RBFOX1: variants seen among roughly 807,000 people sequenced by gnomAD.
RBFOX1 encodes RNA binding fox-1 homolog 1.
Under a neutral mutation model 57.7 loss-of-function variants are expected in RBFOX1, and 8 were observed. That is an observed-to-expected ratio of 0.14 (90% confidence interval 0.08 to 0.25). RBFOX1 has a LOEUF of 0.25. Ranked by LOEUF, RBFOX1 falls within the 10% of genes least tolerant of loss-of-function variation. The pLI, the probability that RBFOX1 is intolerant of heterozygous loss-of-function variation, is 1.00. For synonymous variants in RBFOX1, 326 were observed against 222.4 expected (o/e 1.47, Z -4.15); for missense variants, 611 against 548.5 (o/e 1.11, Z -1.14).
chr16:5,502,123 G>T (rs1255491526), intron 2 of RBFOX1, among the ~76,000 whole-genome samples: 1 of 152,110 alleles, frequency 6.6e-6, no homozygotes, highest in Non-Finnish European at 1.5e-5. Context: ...GCAGAAGGTG[G>T]TTGTAGGGTT....
intron 4 of RBFOX1, among the ~76,000 whole-genome samples, chr16:7,392,328 A>G (rs1215133023): frequency 6.6e-6 from 1 of 152,180 alleles, no homozygotes; most frequent in African/African-American, 2.4e-5. Context: ...CCAAAATTAT[A>G]ATGAATATAT....
At chr16:7,629,267 G>A (rs921523008) in intron 10 of RBFOX1, among the ~76,000 whole-genome samples, 9 of 152,270 alleles carry the variant, frequency 5.9e-5, no homozygotes, top group African/African-American at 1.7e-4. Context: ...TGACATCACC[G>A]TGCAGTCCCT....
At chr16:5,575,919 C>T (rs1056508435) in intron 2 of RBFOX1, among the ~76,000 whole-genome samples, 3 of 151,150 alleles carry the variant, frequency 2.0e-5, no homozygotes, top group African/African-American at 4.9e-5. Context: ...CATGTTTGCA[C>T]TTAGAAGTGA....
intron 4 of RBFOX1, among the ~76,000 whole-genome samples, chr16:7,063,813 A>C (rs2055221749): frequency 6.6e-6 from 1 of 152,234 alleles, no homozygotes. Flanking sequence ...TTCGCATTGC[A>C]TCAGGTATTC....
chr16:7,338,596 T>G (rs9923435), intron 4 of RBFOX1, among the ~76,000 whole-genome samples: 62,021 of 151,982 alleles, frequency 0.41, 15,575 homozygotes, highest in African/African-American at 0.72. Flanking sequence ...TCTCATTATG[T>G]TGGCCAGCCT....
intron 4 of RBFOX1, among the ~76,000 whole-genome samples, chr16:7,289,703 G>C (rs1201230148): frequency 6.6e-6 from 1 of 152,112 alleles, no homozygotes; most frequent in Non-Finnish European, 1.5e-5. Flanking sequence ...GCTGATATGT[G>C]TTGTGCACTT....
rs61448458 is a variant in RBFOX1, at chr16:7,486,117, CT to C, written c.28-32007del. ...TCTGTGGGTATTTGTGTGTTTGTGT[CT>C]TTTTTTTTTTTTTTTTTTTTTTGAG... On this transcript the variant is annotated intron_variant, in intron 4 of 15. Transcript: ENST00000550418. Among the ~76,000 whole-genome samples the C allele has an allele frequency of 2.6e-3, 199 of 77,322 alleles. 1 individual carries two copies. Among genetic ancestry groups the C allele is most frequent in the East Asian group, 0.025 (56 of 2,208 alleles). 50.7% of individuals were successfully genotyped at this position (77,322 alleles called of 152,430 possible).
chr16:6,949,026 C>G (rs575713062), intron 3 of RBFOX1, among the ~76,000 whole-genome samples: 35 of 152,160 alleles, frequency 2.3e-4, no homozygotes, highest in East Asian at 7.8e-4. Context: ...AAAAGAAATT[C>G]GACTCTATGG....
At chr16:7,341,015 GT>G (rs1341371893) in intron 4 of RBFOX1, among the ~76,000 whole-genome samples, 48 of 152,302 alleles carry the variant, frequency 3.2e-4, no homozygotes, top group Non-Finnish European at 1.5e-5. Flanking sequence ...GTTCGGCAAT[GT>G]GAGCTTTTGA....
intron 4 of RBFOX1, among the ~76,000 whole-genome samples, chr16:5,987,595 C>A (rs2060307733): frequency 6.6e-6 from 1 of 152,034 alleles, no homozygotes; most frequent in Admixed American, 6.6e-5. Flanking sequence ...TCTAGGTACT[C>A]GGGAGGCAGA....
At chr16:6,865,001 T>G (rs1264456818) in intron 3 of RBFOX1, among the ~76,000 whole-genome samples, 4 of 90,698 alleles carry the variant, frequency 4.4e-5, no homozygotes, top group Admixed American at 1.1e-4. Context: ...TTTTCTTTTT[T>G]TTTTTTTTTT....
intron 3 of RBFOX1, among the ~76,000 whole-genome samples, chr16:5,866,811 C>A (rs1429464143): frequency 6.6e-6 from 1 of 152,152 alleles, no homozygotes; most frequent in African/African-American, 2.4e-5. Context: ...TGGCACCATT[C>A]CTGGCACAAC....
chr16:7,547,109 A>G (rs2084776438), intron 5 of RBFOX1, among the ~76,000 whole-genome samples: 1 of 152,092 alleles, frequency 6.6e-6, no homozygotes, highest in Admixed American at 6.6e-5. Context: ...TGAAGAAAGG[A>G]GTGATAATGG....
At chr16:5,379,254 G>C (rs2066069811) in intron 1 of RBFOX1, among the ~76,000 whole-genome samples, 2 of 151,306 alleles carry the variant, frequency 1.3e-5, no homozygotes, top group Admixed American at 6.6e-5. Context: ...TTCATATTTG[G>C]TTTCATTTTC....
intron 3 of RBFOX1, among the ~76,000 whole-genome samples, chr16:6,855,121 T>G (rs2057589165): frequency 6.6e-6 from 1 of 152,016 alleles, no homozygotes; most frequent in Admixed American, 6.6e-5. Context: ...GTTGACAGAT[T>G]CCAGCACTAT....
At chr16:6,258,334 A>T (rs1319735867) in intron 1 of RBFOX1, among the ~76,000 whole-genome samples, 3 of 152,172 alleles carry the variant, frequency 2.0e-5, no homozygotes, top group Non-Finnish European at 2.9e-5. Context: ...ACTGTCATTC[A>T]CCTTGACCCC....
chr16:5,269,652 T>C (rs540927106), intron 1 of RBFOX1, among the ~76,000 whole-genome samples: 12 of 152,184 alleles, frequency 7.9e-5, no homozygotes, highest in Non-Finnish European at 1.6e-4. Context: ...GGAAGTTGAT[T>C]AGTGGTTGCT....
At position 5,684,046 on chromosome 16, in the gene RBFOX1, A is replaced by T. The variant is rs144417522; in HGVS notation, c.318+85085A>T. 4.3e-3 allele frequency among the ~76,000 whole-genome samples: 648 copies of T among 152,104 alleles called. 6 individuals are homozygous for T. Among genetic ancestry groups the T allele is most frequent in the African/African-American group, 0.015 (611 of 41,492 alleles). On this transcript the variant is annotated intron_variant, in intron 3 of 19. Coordinates refer to the RBFOX1 transcript ENST00000641259. ...CATTATTAGCTTTTAAAAAGATGTA[A>T]CTGGTGATTAAAAAAATTAAATTGA...
At chr16:7,051,158 T>G (rs1220059544) in intron 3 of RBFOX1, among the ~76,000 whole-genome samples, 1 of 152,158 alleles carries the variant, frequency 6.6e-6, no homozygotes, top group Non-Finnish European at 1.5e-5. Context: ...AGAATAAAGG[T>G]GAATGAAGAC....
Sources: gnomAD v4.1 joint callset for allele counts (sites outside exome capture counted in the v4.1 genomes callset) on GRCh38, gnomAD v4.1.1 for gene constraint, MANE v1.5 for transcripts, NCBI Gene and HGNC (gene_info 2026-07-23, HGNC 2026-07-21) for gene names.